GRIA3: variants seen among roughly 807,000 people sequenced by gnomAD.
GRIA3 encodes glutamate receptor 3.
A neutral mutation model predicts 63.0 loss-of-function variants in GRIA3; 3 were observed. The observed-to-expected ratio is 0.05, with a 90% CI of 0.02 to 0.12. The LOEUF (loss-of-function observed/expected upper bound fraction) is 0.12, where lower values mean the gene tolerates loss of function less well. Ranked by LOEUF, GRIA3 falls within the 10% of genes least tolerant of loss-of-function variation. GRIA3 has a pLI of 1.00. For missense variants in GRIA3, 347 were observed against 700.9 expected (o/e 0.50, Z 5.70); for synonymous variants, 274 against 257.9 (o/e 1.06, Z -0.60).
chrX:123,375,169 C>T (rs1159210180), intron 5 of GRIA3, among the ~76,000 whole-genome samples: 4 of 111,559 alleles, frequency 3.6e-5, no homozygotes, highest in African/African-American at 1.3e-4. Flanking sequence ...TTATCAAATG[C>T]TTTTTCACCA....
At chrX:123,289,770 A>AC (rs1383317173) in intron 3 of GRIA3, among the ~76,000 whole-genome samples, 26 of 107,326 alleles carry the variant, frequency 2.4e-4, no homozygotes, top group African/African-American at 7.2e-4. Flanking sequence ...ACCACCCTCC[A>AC]CCCCCCCAAC....
intron 12 of GRIA3, among the ~76,000 whole-genome samples, chrX:123,447,351 T>C (rs2354037): frequency 0.24 from 26,845 of 111,248 alleles, 2,842 homozygotes; most frequent in East Asian, 0.35. Flanking sequence ...AACCTGGGCT[T>C]TCAGTTTCTC....
At chrX:123,228,537 A>C (rs141663501) in intron 2 of GRIA3, among the ~76,000 whole-genome samples, 4,583 of 111,015 alleles carry the variant, frequency 0.041, 264 homozygotes, top group African/African-American at 0.14. Flanking sequence ...GGGTAGAAGC[A>C]CTTAGCAGGT....
chrX:123,410,715 A>C (rs1319582888), intron 10 of GRIA3, among the ~76,000 whole-genome samples: 1 of 111,638 alleles, frequency 9.0e-6, no homozygotes, highest in Non-Finnish European at 1.9e-5. Flanking sequence ...TGATTTGATA[A>C]AAGTCCCCCC....
rs1400854079 is a variant in GRIA3, at chrX:123,239,028, C to T, written c.269-14275C>T. On this transcript the variant is annotated intron_variant, in intron 2 of 15. Transcript: ENST00000620443. ...ATAAATGTTTAATTTAAAATATCTA[C>T]CAAATTGATACACATACATTAGAGG... 2.7e-5 allele frequency among the ~76,000 whole-genome samples: 3 copies of T among 110,877 alleles called. No homozygotes were observed. In the Admixed American group the frequency reaches 2.9e-4, roughly 11 times the overall value.
chrX:123,398,488 T>C (rs2045425942), intron 6 of GRIA3, 148 bp from the exon 7 acceptor site: 2 of 488,481 alleles, frequency 4.1e-6, no homozygotes, highest in African/African-American at 4.7e-5. Context: ...ATGAATCGAA[T>C]TCAGGCTTGC....
chrX:123,236,355 C>T (rs764329117), intron 2 of GRIA3, among the ~76,000 whole-genome samples: 1 of 111,342 alleles, frequency 9.0e-6, no homozygotes, highest in East Asian at 2.8e-4. Flanking sequence ...AGCCTAGGCC[C>T]CATACTGAAG....
intron 1 of GRIA3, 25 bp downstream of exon 1, chrX:123,184,669 G>T (rs771683758): frequency 1.9e-6 from 2 of 1,053,128 alleles, no homozygotes; most frequent in Non-Finnish European, 2.7e-6. Flanking sequence ...GCCAGCCGTC[G>T]GTCCAGGCTC....
intron 12 of GRIA3, among the ~76,000 whole-genome samples, chrX:123,463,680 GAA>G (rs1322105652): frequency 0.027 from 1,397 of 51,010 alleles, 111 homozygotes; most frequent in African/African-American, 0.046. Context: ...AAGAAAGAAA[GAA>G]AGAGAGAGAA....
At chrX:123,239,796 G>A (rs1026065749) in intron 2 of GRIA3, among the ~76,000 whole-genome samples, 2 of 112,217 alleles carry the variant, frequency 1.8e-5, no homozygotes, top group Admixed American at 1.9e-4. Flanking sequence ...ACGTGGCTAT[G>A]GAGCACTTGA....
chrX:123,426,371 C>T lies in GRIA3; in HGVS notation c.1878-1570C>T, dbSNP rs567186302. Among the ~76,000 whole-genome samples the T allele has an allele frequency of 3.6e-5, 4 of 111,905 alleles. No homozygotes were observed. The South Asian group carries it at 1.5e-3, about 42-fold the overall frequency. ...ACTGTCCAATAACTTCTTATGGTCC[C>T]TGTCTCTGAGGAACACTCATGATGC... On this transcript the variant is annotated intron_variant, in intron 11 of 15. Transcript: ENST00000620443.
chrX:123,269,715 G>A (rs759612409), intron 3 of GRIA3, among the ~76,000 whole-genome samples: 4 of 111,802 alleles, frequency 3.6e-5, no homozygotes, highest in African/African-American at 9.7e-5. Flanking sequence ...ATCAGAAAGC[G>A]GAGGTTCATT....
intron 5 of GRIA3, among the ~76,000 whole-genome samples, chrX:123,357,019 G>A (rs775919801): frequency 8.9e-6 from 1 of 112,091 alleles, no homozygotes; most frequent in Non-Finnish European, 1.9e-5. Context: ...ACCAGTAACA[G>A]AAGGGAAAAG....
At chrX:123,261,542 C>T (rs1191315747) in intron 3 of GRIA3, among the ~76,000 whole-genome samples, 2 of 111,932 alleles carry the variant, frequency 1.8e-5, no homozygotes, top group African/African-American at 6.5e-5. Flanking sequence ...TCTCTAGAGA[C>T]AAATTAAGCT....
chrX:123,442,235 T>G (rs1265359768), intron 12 of GRIA3, among the ~76,000 whole-genome samples: 3 of 112,363 alleles, frequency 2.7e-5, no homozygotes, highest in Non-Finnish European at 5.6e-5. Flanking sequence ...AGCAGACCTA[T>G]AGGGACTAGC....
At chrX:123,219,447 C>T (rs1928238783) in intron 2 of GRIA3, among the ~76,000 whole-genome samples, 1 of 112,130 alleles carries the variant, frequency 8.9e-6, no homozygotes, top group Non-Finnish European at 1.9e-5. Context: ...AGCTGCATTA[C>T]TGAAAATATG....
chrX:123,351,760 A>G (rs1001609305), intron 4 of GRIA3, among the ~76,000 whole-genome samples: 2 of 112,033 alleles, frequency 1.8e-5, no homozygotes, highest in East Asian at 2.8e-4. Context: ...GGTAAGAACT[A>G]TATGTTAAGT....
intron 2 of GRIA3, among the ~76,000 whole-genome samples, chrX:123,218,480 C>G (rs919532256): frequency 1.8e-5 from 2 of 111,040 alleles, no homozygotes; most frequent in African/African-American, 6.6e-5. Context: ...GTTTTTTTGA[C>G]ACGGAGTCTC....
At chrX:123,269,276 A>G (rs2147293190) in intron 3 of GRIA3, among the ~76,000 whole-genome samples, 1 of 112,407 alleles carries the variant, frequency 8.9e-6, no homozygotes, top group Admixed American at 9.4e-5. Flanking sequence ...TTCCTCACCA[A>G]TAAAGTGAAC....
Sources: gnomAD v4.1 joint callset for allele counts (sites outside exome capture counted in the v4.1 genomes callset) on GRCh38, gnomAD v4.1.1 for gene constraint, MANE v1.5 for transcripts, NCBI Gene and HGNC (gene_info 2026-07-23, HGNC 2026-07-21) for gene names.